GRK2: variants seen among roughly 807,000 people sequenced by gnomAD.
GRK2 encodes G protein-coupled receptor kinase 2.
In GRK2, 23 loss-of-function variants were observed where a neutral mutation model predicts 97.8. The observed-to-expected ratio is 0.24, with a 90% CI of 0.17 to 0.33. The LOEUF (loss-of-function observed/expected upper bound fraction) is 0.33, where lower values mean the gene tolerates loss of function less well. Among genes scored for constraint, GRK2 ranks in the 10% least tolerant of loss-of-function variants. GRK2 has a pLI of 1.00. For synonymous variants in GRK2, 425 were observed against 381.7 expected (o/e 1.11, Z -1.32); for missense variants, 633 against 956.9 (o/e 0.66, Z 4.47).
chr11:67,282,349 A>C lies in GRK2; in HGVS notation c.1036A>C (p.Lys346Gln), dbSNP rs778907356. ...LGLACDFSKK[K>Q]PHASVGTHGY... ...CCTGGCCTGTGACTTCTCCAAGAAG[A>C]AGCCCCATGCCAGCGTGTGAGTGCC... The change falls in exon 12 of 21, where the codon AAG becomes CAG. Residue 346 changes from lysine to glutamine, a missense_variant. Transcript: ENST00000308595. This position sits in a 1 kb window ranked among gnomAD's most constrained non-coding sequence, Gnocchi z 6.9. The C allele has an allele frequency of 6.2e-6, 10 of 1,613,494 alleles. No individual in the cohort carries two copies. The highest frequency in any genetic ancestry group is 5.5e-5 in the South Asian group (5 of 91,078).
chr11:67,272,193 G>A (rs1859926257), intron 1 of GRK2, among the ~76,000 whole-genome samples: 1 of 152,210 alleles, frequency 6.6e-6, no homozygotes. Flanking sequence ...GTCAGGGACG[G>A]GAGGGCAGCC....
At chr11:67,278,772 A>C (rs1025342960) in intron 2 of GRK2, among the ~76,000 whole-genome samples, 18 of 152,064 alleles carry the variant, frequency 1.2e-4, no homozygotes, top group African/African-American at 4.1e-4. Context: ...ACAGCATCCC[A>C]GGGCCCCCAG....
intron 1 of GRK2, among the ~76,000 whole-genome samples, chr11:67,274,495 CTTTTTTTT>C (rs57767154): frequency 1.2e-3 from 28 of 22,482 alleles, no homozygotes; most frequent in Middle Eastern, 0.038. Context: ...TGACCAGCAC[CTTTTTTTT>C]TTTTTTTTTT....
At position 67,284,928 on chromosome 11, in the gene GRK2, G is replaced by A. The variant is rs140057016; in HGVS notation, c.1736G>A (p.Arg579Gln). 2 of 1,613,064 alleles carry A rather than the reference G, an allele frequency of 1.2e-6. No homozygotes were observed. The highest frequency in any genetic ancestry group is 1.1e-5 in the South Asian group (1 of 91,088). The change falls in exon 19 of 21, where the codon CGG becomes CAG. Residue 579 changes from arginine (R) to glutamine (Q), a missense_variant. By Grantham distance (43) the Arg-to-Gln change is conservative. This residue lies in a region of GRK2 where 180 missense variants were observed against 311.3 expected (regional missense o/e 0.58). Coordinates refer to ENST00000308595, the MANE Select transcript of GRK2 (RefSeq NM_001619.5). ...GNPFLTQWQR[R>Q]YFYLFPNRLE... ...CCCTTCCTGACCCAGTGGCAGCGGCGGTACTTCTACCTGTTCCCCAACCGC... is the reference window on the plus strand; with the variant it reads ...CCCTTCCTGACCCAGTGGCAGCGGCAGTACTTCTACCTGTTCCCCAACCGC...
chr11:67,286,439 T>C lies in GRK2; in HGVS notation c.*989T>C, dbSNP rs1016607703. ...GCGCCTTCTCCCCCCCGGGGCTGGG[T>C]TGGCGCACCCTCCCCTCCCGTCTAC... On this transcript the variant is annotated 3_prime_UTR_variant, in exon 21 of 21. Coordinates refer to ENST00000308595, the MANE Select transcript of GRK2 (RefSeq NM_001619.5). The C allele has an allele frequency of 4.4e-5, 31 of 699,934 alleles. No individual in the cohort carries two copies. Among genetic ancestry groups the C allele is most frequent in the Non-Finnish European group, 7.3e-5 (28 of 383,338 alleles). The allele number at this position is 699,934 out of a possible 1,614,324, so 43.4% of individuals were successfully genotyped here. A position where few individuals can be genotyped will look rare whatever the true frequency, so the allele number is the denominator to read the frequency against.
At chr11:67,279,327 G>A in intron 3 of GRK2, 54 bp downstream of exon 3, 1 of 1,610,038 alleles carries the variant, frequency 6.2e-7, no homozygotes, top group Admixed American at 1.7e-5. Context: ...GAGGAGGTTG[G>A]GGCGGCTTTG....
intron 1 of GRK2, among the ~76,000 whole-genome samples, chr11:67,274,538 C>G (rs1858262705): frequency 2.3e-5 from 1 of 43,122 alleles, no homozygotes; most frequent in African/African-American, 5.1e-5. Flanking sequence ...TTTTCATCCC[C>G]TTCTGTGGAC....
rs1859853859 is a variant in GRK2, at chr11:67,269,065, G to C, written c.113+2253G>C. On this transcript the variant is annotated intron_variant, in intron 1 of 20. Coordinates refer to ENST00000308595, the MANE Select transcript of GRK2 (RefSeq NM_001619.5). This position sits in a 1 kb window ranked among gnomAD's most constrained non-coding sequence, Gnocchi z 4.1. The stretch of plus-strand genomic sequence containing the variant: ...GAGCGCCGAATGTCAGTGCGCTAAG[G>C]CCTGGGAAGGGCTACTGGCCACCCC... 6.6e-6 allele frequency among the ~76,000 whole-genome samples: 1 copy of C among 152,224 alleles called. No homozygotes were observed. Among genetic ancestry groups the C allele is most frequent in the Non-Finnish European group, 1.5e-5 (1 of 68,044 alleles).
chr11:67,271,141 T>C (rs1894111), intron 1 of GRK2: 145,293 of 152,426 alleles, frequency 0.95, 69,425 homozygotes, highest in Non-Finnish European at 0.99. Flanking sequence ...CCCTTGAGGA[T>C]GCACAGCCTC....
chr11:67,283,449 T>G (rs1860198357), intron 15 of GRK2: 1 of 611,134 alleles, frequency 1.6e-6, no homozygotes, highest in Non-Finnish European at 2.9e-6. Flanking sequence ...GGGGCCCTTG[T>G]CACAGATGAT....
Position 67,266,713 on chromosome 11 carries a change from A to G in GRK2, c.14A>G (p.Glu5Gly). Residue 5 changes from glutamate (E) to glycine (G), a missense_variant, in exon 1 of 21, where the codon GAG (glutamate) becomes GGG (glycine). Glu to Gly is a moderately conservative substitution (Grantham distance 98). This residue lies in a region of GRK2 where 193 missense variants were observed against 212.2 expected (regional missense o/e 0.91). Transcript: ENST00000308595. MADLEAVLADVSYLM... is the reference protein window; with the variant it reads MADLGAVLADVSYLM... Reference sequence around the variant, plus strand: ...GCCGCCGCCAAGATGGCGGACCTGGAGGCGGTGCTGGCCGACGTGAGCTAC... The same window carrying G: ...GCCGCCGCCAAGATGGCGGACCTGGGGGCGGTGCTGGCCGACGTGAGCTAC... 1 of 1,274,370 alleles carries G rather than the reference A, an allele frequency of 7.8e-7. No individual in the cohort carries two copies. The highest frequency in any genetic ancestry group is 1.0e-6 in the Non-Finnish European group (1 of 999,714). The allele number at this position is 1,274,370 out of a possible 1,614,324, so 78.9% of individuals were successfully genotyped here.
intron 1 of GRK2, among the ~76,000 whole-genome samples, chr11:67,273,986 C>CA (rs1002155632): frequency 4.6e-5 from 7 of 151,104 alleles, no homozygotes; most frequent in Non-Finnish European, 8.8e-5. Flanking sequence ...CCTAGGTGGC[C>CA]ATTCCCTCTG....
chr11:67,267,626 G>C (rs1349721748), intron 1 of GRK2, among the ~76,000 whole-genome samples: 2 of 152,220 alleles, frequency 1.3e-5, no homozygotes, highest in Non-Finnish European at 2.9e-5. Flanking sequence ...CTTAGCTGCC[G>C]CCTCTGTAAG....
chr11:67,268,256 C>G lies in GRK2; in HGVS notation c.113+1444C>G, dbSNP rs947801127. ...GGTGCCCCATGCCCATGGCCCTCAC[C>G]GCCCCCCTGTGCCATGCCCTGCTCA... is the stretch of plus-strand genomic sequence containing the variant. On this transcript the variant is annotated intron_variant, in intron 1 of 20. Coordinates refer to ENST00000308595, the MANE Select transcript of GRK2 (RefSeq NM_001619.5). 1.3e-5 allele frequency among the ~76,000 whole-genome samples: 2 copies of G among 152,188 alleles called. 1 individual carries two copies. The highest frequency in any genetic ancestry group is 4.1e-4 in the South Asian group (2 of 4,832).
intron 2 of GRK2, among the ~76,000 whole-genome samples, chr11:67,277,782 C>T (rs1053383314): frequency 1.1e-4 from 16 of 152,226 alleles, no homozygotes; most frequent in African/African-American, 3.1e-4. Flanking sequence ...GTTGGCCCTC[C>T]ATTCCTCCTC....
chr11:67,268,205 G>T (rs1373438657), intron 1 of GRK2, among the ~76,000 whole-genome samples: 1 of 152,232 alleles, frequency 6.6e-6, no homozygotes, highest in Non-Finnish European at 1.5e-5. Flanking sequence ...TGAAGCAGCC[G>T]TCTAAGCTCT....
chr11:67,266,768 G>A lies in GRK2; in HGVS notation c.69G>A (p.Thr23=). ...YLMAMEKSKA[T]PAARASKKIL... ...TGGCCATGGAGAAGAGCAAGGCCAC[G>A]CCGGCCGCGCGCGCCAGCAAGAAGA... The change falls in exon 1 of 21, where the codon ACG becomes ACA. Residue 23 remains threonine, a synonymous_variant. Transcript: ENST00000308595. 2.2e-6 allele frequency: 3 copies of A among 1,372,244 alleles called. No individual in the cohort carries two copies. The highest frequency in any genetic ancestry group is 2.6e-5 in the Admixed American group (1 of 38,692). 85.0% of individuals were successfully genotyped at this position (1,372,244 alleles called of 1,614,324 possible).
rs1244254671 is a variant in GRK2 at position 67,283,883 on chromosome 11, G to A, written c.1425G>A (p.Gly475=). The A allele has an allele frequency of 6.2e-7, 1 of 1,613,190 alleles. No homozygotes were observed. The highest frequency in any genetic ancestry group is 1.1e-5 in the South Asian group (1 of 91,078). Residue 475 remains glycine, a synonymous_variant, in exon 17 of 21, where the codon GGG becomes GGA. Transcript: ENST00000308595. ...KYPPPLIPPR[G]EVNAADAFDI... ...CTCCCCCGCTGATCCCCCCACGAGG[G>A]GAGGTGAACGCGGCCGACGCCTTCG...
intron 1 of GRK2, among the ~76,000 whole-genome samples, chr11:67,267,646 A>G (rs1859826432): frequency 6.6e-6 from 1 of 152,232 alleles, no homozygotes; most frequent in Non-Finnish European, 1.5e-5. Flanking sequence ...GACAACTGAC[A>G]TCACACCTGG....
Sources: allele counts gnomAD v4.1 joint callset (sites outside exome capture counted in the v4.1 genomes callset), GRCh38; gene constraint gnomAD v4.1.1; regional missense constraint gnomAD v4.1.1; non-coding constraint Gnocchi (gnomAD v3.1); transcripts MANE v1.5; gene names NCBI Gene and HGNC (gene_info 2026-07-23, HGNC 2026-07-21).